The following IQGAP2 variants were observed in gnomAD, a reference collection of about 807,000 sequenced individuals.
IQGAP2 encodes ras GTPase-activating-like protein IQGAP2.
Under a neutral mutation model 201.3 loss-of-function variants are expected in IQGAP2, and 173 were observed. The observed-to-expected ratio is 0.86, with a 90% CI of 0.76 to 0.98. The LOEUF (loss-of-function observed/expected upper bound fraction) is 0.98. Among genes scored for constraint, IQGAP2 ranks in the 50% least tolerant of loss-of-function variants. The pLI is 0.00. For synonymous variants in IQGAP2, 675 were observed against 673.9 expected, an observed-to-expected ratio of 1.00 and a Z score of -0.03; for missense variants, 1,687 against 1,864.8, an observed-to-expected ratio of 0.90 and a Z score of 1.76.
chr5:76,640,836 C>A (rs1434763168), intron 16 of IQGAP2, 97 bp from the exon 17 acceptor site: 1 of 899,400 alleles, frequency 1.1e-6, no homozygotes, highest in South Asian at 2.4e-5. Context: ...AAGGAGACAT[C>A]CATATTATTT....
intron 9 of IQGAP2, among the ~76,000 whole-genome samples, chr5:76,594,927 C>G (rs182448004): frequency 6.6e-6 from 1 of 151,210 alleles, no homozygotes; most frequent in Non-Finnish European, 1.5e-5. Flanking sequence ...GATTGCGCCA[C>G]TACACTCCAG....
In IQGAP2 at chr5:76,683,869, A is replaced by T. The variant is rs143650393; in HGVS notation, c.3857A>T (p.Tyr1286Phe). 6.2e-7 allele frequency: 1 copy of T among 1,613,564 alleles called. No individual in the cohort carries two copies. The highest frequency in any genetic ancestry group is 1.3e-5 in the African/African-American group (1 of 75,052). ...ATTTCTCTTGTCTTGACAAGCAAATATGACATAGAGGACGGTGAAGCTATA... is the reference window on the plus strand; with the variant it reads ...ATTTCTCTTGTCTTGACAAGCAAATTTGACATAGAGGACGGTGAAGCTATA... ...TEISLVLTSK[Y>F]DIEDGEAIDS... Residue 1286 changes from tyrosine (Y) to phenylalanine (F), a missense_variant, in exon 30 of 36, where the codon TAT becomes TTT. By Grantham distance (22) the Tyr-to-Phe change is conservative. Transcript: ENST00000274364.
Position 76,707,465 on chromosome 5 carries a change from T to TA in IQGAP2, c.*152_*153insA. ...AACTGTTCTGAAGAATGTACCCAGG[T>TA]GCCTTTTTGCTAATTTGATACTATA... On this transcript the variant is annotated 3_prime_UTR_variant, in exon 36 of 36. Transcript: ENST00000274364. 1.6e-6 allele frequency: 1 copy of TA among 611,068 alleles called. No individual in the cohort carries two copies. The allele number at this position is 611,068 out of a possible 1,614,324, so 37.9% of individuals were successfully genotyped here.
intron 1 of IQGAP2, among the ~76,000 whole-genome samples, chr5:76,414,447 C>T (rs953112169): frequency 2.6e-5 from 4 of 152,188 alleles, no homozygotes; most frequent in African/African-American, 9.7e-5. Context: ...AGAGCTAATA[C>T]AAACATGCTT....
chr5:76,606,537 A>G, intron 12 of IQGAP2: 1 of 265,686 alleles, frequency 3.8e-6, no homozygotes, highest in East Asian at 6.3e-5. Flanking sequence ...ATACACAAGT[A>G]AAAGGCCTGA....
intron 2 of IQGAP2, among the ~76,000 whole-genome samples, chr5:76,520,257 T>G (rs1337459620): frequency 2.0e-5 from 3 of 152,198 alleles, no homozygotes; most frequent in African/African-American, 7.2e-5. Flanking sequence ...GATTTTTAAT[T>G]ATCTCAGCAC....
At chr5:76,673,888 G>A in intron 25 of IQGAP2, 64 bp from the exon 26 acceptor site, 1 of 949,286 alleles carries the variant, frequency 1.1e-6, no homozygotes, top group Non-Finnish European at 1.7e-6. Context: ...AACAATTGCT[G>A]TGTGTTTTTT....
At chr5:76,530,149 T>C (rs1759210711) in intron 2 of IQGAP2, among the ~76,000 whole-genome samples, 1 of 152,176 alleles carries the variant, frequency 6.6e-6, no homozygotes, top group Non-Finnish European at 1.5e-5. Flanking sequence ...CATAAACAAA[T>C]GTGTGCAGCA....
chr5:76,435,903 C>T (rs183359687), intron 1 of IQGAP2, among the ~76,000 whole-genome samples: 1 of 152,064 alleles, frequency 6.6e-6, no homozygotes. Flanking sequence ...CTTTCACCTC[C>T]TTAGTTAACT....
intron 2 of IQGAP2, among the ~76,000 whole-genome samples, chr5:76,507,274 A>AT (rs1260211761): frequency 2.6e-5 from 4 of 152,168 alleles, no homozygotes; most frequent in Non-Finnish European, 5.9e-5. Flanking sequence ...AGAAAAGATA[A>AT]TTTTTTTCAA....
chr5:76,480,046 G>A (rs907492826), intron 2 of IQGAP2, among the ~76,000 whole-genome samples: 1 of 151,830 alleles, frequency 6.6e-6, no homozygotes, highest in South Asian at 2.1e-4. Context: ...AAGTGTGGGA[G>A]GAAGAGAATT....
chr5:76,486,576 T>C (rs970600806), intron 2 of IQGAP2, among the ~76,000 whole-genome samples: 6 of 152,226 alleles, frequency 3.9e-5, no homozygotes, highest in African/African-American at 1.2e-4. Flanking sequence ...GCTGAAGGCC[T>C]GTCAGATGAC....
intron 3 of IQGAP2, among the ~76,000 whole-genome samples, chr5:76,568,751 A>G (rs1317853517): frequency 1.3e-5 from 2 of 152,208 alleles, no homozygotes; most frequent in African/African-American, 4.8e-5. Flanking sequence ...GTGTCATCAG[A>G]AAGTGGGATC....
intron 1 of IQGAP2, among the ~76,000 whole-genome samples, chr5:76,443,295 A>G (rs760825543): frequency 6.6e-6 from 1 of 152,138 alleles, no homozygotes; most frequent in African/African-American, 2.4e-5. Context: ...AGCAAAAGTT[A>G]TGGTAGATTT....
intron 13 of IQGAP2, among the ~76,000 whole-genome samples, chr5:76,623,702 A>G (rs893281865): frequency 1.3e-5 from 2 of 152,250 alleles, no homozygotes; most frequent in Non-Finnish European, 2.9e-5. Context: ...TTAATAAATT[A>G]TCCTTTCCTT....
At position 76,693,415 on chromosome 5, in the gene IQGAP2, C is replaced by T; in HGVS notation, c.3966C>T (p.Ile1322=). ...AGCCAGGGAACACATTGACAGAAAT[C>T]TTAGAGACACCAGCAACTGCGCAAC... ...RNQPGNTLTE[I]LETPATAQQE... Residue 1322 remains isoleucine (I), a synonymous_variant, in exon 31 of 36, where the codon ATC becomes ATT. Coordinates refer to ENST00000274364, the MANE Select transcript of IQGAP2 (RefSeq NM_006633.5). 6.2e-7 allele frequency: 1 copy of T among 1,613,124 alleles called. No homozygotes were observed. The highest frequency in any genetic ancestry group is 2.2e-5 in the East Asian group (1 of 44,856).
At chr5:76,674,771 T>C (rs1744657457) in intron 27 of IQGAP2, 62 bp downstream of exon 27, 1 of 1,240,292 alleles carries the variant, frequency 8.1e-7, no homozygotes, top group African/African-American at 1.5e-5. Flanking sequence ...TAATATGTGC[T>C]CTGTGCCCAG....
chr5:76,438,733 G>A (rs1245346524), intron 1 of IQGAP2, among the ~76,000 whole-genome samples: 5 of 152,198 alleles, frequency 3.3e-5, no homozygotes, highest in African/African-American at 9.6e-5. Flanking sequence ...AAGAGCCACC[G>A]TGCCTGGCCT....
intron 3 of IQGAP2, among the ~76,000 whole-genome samples, chr5:76,563,257 G>T (rs1051757199): frequency 7.2e-5 from 11 of 152,060 alleles, no homozygotes; most frequent in Non-Finnish European, 1.3e-4. Context: ...GAAGAAGAAA[G>T]ATCAACAATA....
Sources: gnomAD v4.1 joint callset for allele counts (sites outside exome capture counted in the v4.1 genomes callset) on GRCh38, gnomAD v4.1.1 for gene constraint, MANE v1.5 for transcripts, NCBI Gene and HGNC (gene_info 2026-07-23, HGNC 2026-07-21) for gene names.